CDK14: variants seen among roughly 807,000 people sequenced by gnomAD.
CDK14 encodes the protein cyclin-dependent kinase 14.
CDK14 carries 34 observed loss-of-function variants against 60.7 expected under a neutral mutation model. The ratio of observed to expected loss-of-function variants is 0.56; its 90% confidence interval spans 0.43 to 0.75. The LOEUF (loss-of-function observed/expected upper bound fraction) is 0.75, where lower values mean the gene tolerates loss of function less well. Among genes scored for constraint, CDK14 ranks in the 30% least tolerant of loss-of-function variants. The probability of loss-of-function intolerance (pLI) is 0.00; values close to 1 mark genes in which losing one functional copy is unlikely to be tolerated. For synonymous variants in CDK14, 197 were observed against 203.7 expected (o/e 0.97, Z 0.28); for missense variants, 482 against 564.1 (o/e 0.85, Z 1.47).
intron 10 of CDK14, among the ~76,000 whole-genome samples, chr7:91,011,369 A>G (rs1796154677): frequency 6.6e-6 from 1 of 152,138 alleles, no homozygotes; most frequent in Non-Finnish European, 1.5e-5. Context: ...AAACTGCTTT[A>G]AAGATATTCT....
intron 5 of CDK14, 88 bp from the exon 6 acceptor site, chr7:90,863,087 C>A: frequency 1.6e-6 from 1 of 632,858 alleles, no homozygotes; most frequent in Non-Finnish European, 2.8e-6. Flanking sequence ...AGATATCTCT[C>A]ATCTGACAGT....
At chr7:90,899,460 G>A in intron 7 of CDK14, 107 bp downstream of exon 7, 1 of 771,606 alleles carries the variant, frequency 1.3e-6, no homozygotes, top group Admixed American at 4.0e-5. Context: ...TAAATTTTTT[G>A]TGTAAAGAGA....
intron 14 of CDK14, among the ~76,000 whole-genome samples, chr7:91,154,664 TG>T (rs1800930648): frequency 6.6e-6 from 1 of 152,326 alleles, no homozygotes; most frequent in Admixed American, 6.5e-5. Flanking sequence ...ACTTAATCTT[TG>T]TGCCTTGGTT....
intron 7 of CDK14, among the ~76,000 whole-genome samples, chr7:90,912,195 T>C (rs1584115546): frequency 6.7e-6 from 1 of 148,800 alleles, no homozygotes; most frequent in Non-Finnish European, 1.5e-5. Context: ...ATGGCTACTA[T>C]AGTAGAAAGA....
Position 90,598,704 on chromosome 7 carries a change from A to ATTTTTTTTTTTTTT in CDK14, c.91+1991_91+2004dup, listed in dbSNP as rs796093975. Among the ~76,000 whole-genome samples, 566 of 87,730 alleles carry ATTTTTTTTTTTTTT rather than the reference A, an allele frequency of 6.5e-3. 82 individuals carry two copies. The highest frequency in any genetic ancestry group is 0.013 in the South Asian group (30 of 2,350). 57.6% of individuals were successfully genotyped at this position (87,730 alleles called of 152,430 possible). A position where few individuals can be genotyped will look rare whatever the true frequency, so the allele number is the denominator to read the frequency against. On this transcript the variant is annotated intron_variant, in intron 1 of 14. Transcript: ENST00000380050. Reference sequence around the variant, plus strand: ...GTGAACTCATTCTGATTATCTAAGGATTTTTTTTTTTTTTTTTTGAGACGG... The same window carrying ATTTTTTTTTTTTTT: ...GTGAACTCATTCTGATTATCTAAGGATTTTTTTTTTTTTTTTTTTTTTTTTTTTTTTTGAGACGG...
chr7:91,162,060 G>T (rs1165900200), intron 14 of CDK14, among the ~76,000 whole-genome samples: 1 of 152,102 alleles, frequency 6.6e-6, no homozygotes, highest in East Asian at 1.9e-4. Context: ...TTAAATGTTT[G>T]TTATTTTTTA....
At chr7:91,133,377 T>G (rs1185807990) in intron 14 of CDK14, among the ~76,000 whole-genome samples, 1 of 152,092 alleles carries the variant, frequency 6.6e-6, no homozygotes, top group Non-Finnish European at 1.5e-5. Flanking sequence ...AACTAAAATT[T>G]TCAGGGATAA....
intron 5 of CDK14, among the ~76,000 whole-genome samples, chr7:90,826,188 A>G (rs1789715488): frequency 6.6e-6 from 1 of 152,140 alleles, no homozygotes; most frequent in African/African-American, 2.4e-5. Flanking sequence ...GAATTATTGA[A>G]TGAAGCATTA....
At chr7:91,098,888 A>G (rs533479267) in intron 12 of CDK14, among the ~76,000 whole-genome samples, 3 of 152,282 alleles carry the variant, frequency 2.0e-5, no homozygotes, top group South Asian at 4.1e-4. Flanking sequence ...TTAAGTGAAA[A>G]ATCTGATATA....
chr7:90,819,221 G>C (rs1789459131), intron 5 of CDK14, among the ~76,000 whole-genome samples: 1 of 152,130 alleles, frequency 6.6e-6, no homozygotes, highest in South Asian at 2.1e-4. Flanking sequence ...GTCAAGAACT[G>C]AGATTTTCAA....
At chr7:90,687,968 TAA>T (rs1318545964) in intron 2 of CDK14, among the ~76,000 whole-genome samples, 6 of 152,198 alleles carry the variant, frequency 3.9e-5, no homozygotes, top group Non-Finnish European at 7.4e-5. Context: ...AGACAGCCAA[TAA>T]ATACTTGATT....
At chr7:90,929,003 G>C (rs1793508253) in intron 8 of CDK14, among the ~76,000 whole-genome samples, 1 of 152,230 alleles carries the variant, frequency 6.6e-6, no homozygotes, top group African/African-American at 2.4e-5. Context: ...GGCTCTGTGG[G>C]CATGGGACCC....
chr7:90,863,327 GTGT>G, intron 6 of CDK14, 58 bp downstream of exon 6: 1 of 1,003,840 alleles, frequency 1.0e-6, no homozygotes, highest in Non-Finnish European at 1.5e-6. Context: ...AATTCTTATA[GTGT>G]TGTCATAGAA....
At chr7:90,600,299 GTTCAT>G (rs1799288008) in intron 1 of CDK14, among the ~76,000 whole-genome samples, 1 of 152,126 alleles carries the variant, frequency 6.6e-6, no homozygotes, top group African/African-American at 2.4e-5. Flanking sequence ...GTATTTTAAA[GTTCAT>G]TTCCTCTTTT....
intron 6 of CDK14, among the ~76,000 whole-genome samples, chr7:90,872,329 T>G (rs1716623497): frequency 6.6e-6 from 1 of 152,180 alleles, no homozygotes; most frequent in African/African-American, 2.4e-5. Flanking sequence ...ATACTGTGAT[T>G]CTATATTCTG....
chr7:90,756,908 T>C (rs1342790637), intron 4 of CDK14, among the ~76,000 whole-genome samples: 3 of 152,202 alleles, frequency 2.0e-5, no homozygotes, highest in East Asian at 3.9e-4. Context: ...TTTACACATA[T>C]GTGTTGGTTT....
At chr7:91,157,203 C>T (rs1037326154) in intron 14 of CDK14, among the ~76,000 whole-genome samples, 8 of 152,168 alleles carry the variant, frequency 5.3e-5, no homozygotes, top group Non-Finnish European at 8.8e-5. Flanking sequence ...GCTAAAATTA[C>T]GTCATGTCTC....
intron 9 of CDK14, among the ~76,000 whole-genome samples, chr7:90,956,548 G>C (rs1794418042): frequency 6.6e-6 from 1 of 152,060 alleles, no homozygotes. Flanking sequence ...TTTCTTTTCA[G>C]ACTCACAGTT....
chr7:90,816,378 G>A (rs1789358731), intron 5 of CDK14, among the ~76,000 whole-genome samples: 1 of 152,214 alleles, frequency 6.6e-6, no homozygotes, highest in South Asian at 2.1e-4. Context: ...GAGCTGCTCA[G>A]ATGTTCACTG....
Sources: gnomAD v4.1 joint callset for allele counts (sites outside exome capture counted in the v4.1 genomes callset) on GRCh38, gnomAD v4.1.1 for gene constraint, MANE v1.5 for transcripts, NCBI Gene and HGNC (gene_info 2026-07-23, HGNC 2026-07-21) for gene names.